The following TENM2 variants were observed in gnomAD, a reference collection of about 807,000 sequenced individuals.
TENM2 encodes the protein teneurin-2.
Under a neutral mutation model 245.2 loss-of-function variants are expected in TENM2, and 52 were observed. The ratio of observed to expected loss-of-function variants is 0.21; its 90% CI spans 0.17 to 0.27. The LOEUF is 0.27. Among genes scored for constraint, TENM2 ranks in the 10% least tolerant of loss-of-function variants. The probability of loss-of-function intolerance (pLI) is 1.00; values close to 1 mark genes in which losing one functional copy is unlikely to be tolerated. For synonymous variants in TENM2, 1,363 were observed against 1,438.9 expected, an observed-to-expected ratio of 0.95 and a Z score of 1.19; for missense variants, 3,046 against 3,666.8, an observed-to-expected ratio of 0.83 and a Z score of 4.37.
At chr5:167,103,144 T>A in the TENM2 span, among the ~76,000 whole-genome samples, 10,702 of 152,208 alleles carry the variant, frequency 0.07, 1,248 homozygotes, top group African/African-American at 0.24. Flanking sequence ...CTTGTTCAAG[T>A]TCCCATGGCT....
intron 2 of TENM2, among the ~76,000 whole-genome samples, chr5:167,399,048 G>A (rs923150332): frequency 2.6e-5 from 4 of 152,122 alleles, no homozygotes; most frequent in South Asian, 2.1e-4. Context: ...CATTAAAGGC[G>A]ATGGGGATTA....
chr5:167,125,669 A>G, the TENM2 span, among the ~76,000 whole-genome samples: 1 of 152,338 alleles, frequency 6.6e-6, no homozygotes, highest in Non-Finnish European at 1.5e-5. Flanking sequence ...ATACACACGC[A>G]TATACAGAAG....
At chr5:167,156,702 C>T in the TENM2 span, among the ~76,000 whole-genome samples, 2 of 152,152 alleles carry the variant, frequency 1.3e-5, no homozygotes, top group Admixed American at 1.3e-4. Context: ...TGCCCTCACA[C>T]CGCACACTGA....
At chr5:168,164,606 G>A (rs555601575) in intron 13 of TENM2, among the ~76,000 whole-genome samples, 1 of 152,258 alleles carries the variant, frequency 6.6e-6, no homozygotes, top group South Asian at 2.1e-4. Context: ...CCTCTGAGCT[G>A]AATTTCCCCA....
chr5:167,443,384 A>G (rs778602419), intron 2 of TENM2, among the ~76,000 whole-genome samples: 1 of 152,182 alleles, frequency 6.6e-6, no homozygotes, highest in Non-Finnish European at 1.5e-5. Flanking sequence ...TGTATTGTCT[A>G]TGCTTTCTTG....
intron 12 of TENM2, among the ~76,000 whole-genome samples, chr5:168,148,800 G>A (rs187763412): frequency 3.3e-5 from 5 of 152,114 alleles, no homozygotes; most frequent in Admixed American, 6.5e-5. Context: ...TTTTGTGACC[G>A]CATCTTCACA....
At chr5:167,236,752 A>C in the TENM2 span, among the ~76,000 whole-genome samples, 1 of 152,228 alleles carries the variant, frequency 6.6e-6, no homozygotes, top group South Asian at 2.1e-4. Flanking sequence ...CATGGGAGTC[A>C]GTAGAACATC....
At chr5:167,788,787 C>T (rs955644501) in intron 2 of TENM2, among the ~76,000 whole-genome samples, 1 of 152,180 alleles carries the variant, frequency 6.6e-6, no homozygotes, top group Non-Finnish European at 1.5e-5. Context: ...CATCAGCTTC[C>T]TCTCCATTCA....
At chr5:167,195,986 A>G in the TENM2 span, among the ~76,000 whole-genome samples, 1 of 152,030 alleles carries the variant, frequency 6.6e-6, no homozygotes, top group South Asian at 2.1e-4. Context: ...AATGGTTACC[A>G]TCACTCGTTG....
the TENM2 span, among the ~76,000 whole-genome samples, chr5:167,266,297 CA>C: frequency 6.6e-6 from 1 of 152,040 alleles, no homozygotes; most frequent in Non-Finnish European, 1.5e-5. Context: ...GGGGTGAACA[CA>C]GAAAGAGAGG....
chr5:167,214,934 C>T, the TENM2 span, among the ~76,000 whole-genome samples: 3 of 152,258 alleles, frequency 2.0e-5, no homozygotes, highest in South Asian at 2.1e-4. Flanking sequence ...TTGCCAATCT[C>T]CTGGCCTGGA....
the TENM2 span, among the ~76,000 whole-genome samples, chr5:167,235,846 G>C: frequency 3.9e-5 from 6 of 152,182 alleles, no homozygotes; most frequent in Non-Finnish European, 7.3e-5. Flanking sequence ...TGATGAGTGA[G>C]ACCCAGGTTG....
intron 2 of TENM2, among the ~76,000 whole-genome samples, chr5:167,761,359 C>G (rs2337000): frequency 0.67 from 102,471 of 151,936 alleles, 35,122 homozygotes; most frequent in Middle Eastern, 0.74. Context: ...TCTACCCCAT[C>G]AACCCAGAAT....
intron 2 of TENM2, among the ~76,000 whole-genome samples, chr5:167,513,378 C>T (rs1049178701): frequency 3.3e-5 from 5 of 152,074 alleles, no homozygotes; most frequent in Admixed American, 1.3e-4. Context: ...TAAAAGGAAA[C>T]AGTAAATACA....
intron 5 of TENM2, among the ~76,000 whole-genome samples, chr5:168,018,890 A>G (rs932604538): frequency 5.3e-5 from 8 of 152,108 alleles, no homozygotes; most frequent in African/African-American, 1.9e-4. Flanking sequence ...CACAGAGAAA[A>G]TAGATGTGCA....
chr5:168,063,197 C>G (rs1446538529), intron 7 of TENM2, among the ~76,000 whole-genome samples: 1 of 152,102 alleles, frequency 6.6e-6, no homozygotes, highest in African/African-American at 2.4e-5. Flanking sequence ...GTAACATAAA[C>G]TAAAATTCAG....
chr5:167,730,185 A>G (rs72830091), intron 2 of TENM2, among the ~76,000 whole-genome samples: 27,630 of 152,164 alleles, frequency 0.18, 2,832 homozygotes, highest in African/African-American at 0.27. Flanking sequence ...GGAGCATACT[A>G]CAGAAACCTA....
intron 2 of TENM2, among the ~76,000 whole-genome samples, chr5:167,747,008 A>T (rs1290954817): frequency 6.6e-6 from 1 of 152,194 alleles, no homozygotes; most frequent in Non-Finnish European, 1.5e-5. Flanking sequence ...TTTCATGTAG[A>T]AGATGTATAT....
exon 1 of TENM2, chr5:167,284,958 A>G (rs1044789503): frequency 6.4e-7 from 1 of 1,551,846 alleles, no homozygotes. Context: ...GAAATCCTAC[A>G]GCTCCAGTGA....
Sources: gnomAD v4.1 joint callset for allele counts (sites outside exome capture counted in the v4.1 genomes callset) on GRCh38, gnomAD v4.1.1 for gene constraint, MANE v1.5 for transcripts, NCBI Gene and HGNC (gene_info 2026-07-23, HGNC 2026-07-21) for gene names.